Variants in FLVCR2 observed in about 807,000 individuals in gnomAD.
The protein encoded by FLVCR2 is FLVCR choline and putative heme transporter 2.
In FLVCR2, 38 loss-of-function variants were observed where a neutral mutation model predicts 48.9. The observed-to-expected ratio is 0.78, with a 90% confidence interval of 0.60 to 1.02. The LOEUF is 1.02. Among genes scored for constraint, FLVCR2 ranks in the 50% least tolerant of loss-of-function variants. The probability of loss-of-function intolerance (pLI) is 0.00; values close to 1 mark genes in which losing one functional copy is unlikely to be tolerated. For missense variants in FLVCR2, 664 were observed against 663.3 expected (o/e 1.00, Z -0.01); for synonymous variants, 255 against 257.0 (o/e 0.99, Z 0.07).
chr14:75,645,031 G>A (rs971730594), intron 9 of FLVCR2, among the ~76,000 whole-genome samples: 5 of 32,354 alleles, frequency 1.5e-4, no homozygotes, highest in African/African-American at 4.5e-4. Flanking sequence ...GGAGGCGGGC[G>A]TGGTGTGTGT....
At chr14:75,602,307 C>T (rs1293229292) in intron 1 of FLVCR2, among the ~76,000 whole-genome samples, 2 of 152,212 alleles carry the variant, frequency 1.3e-5, no homozygotes, top group Admixed American at 6.5e-5. Flanking sequence ...TTTCTGGTGA[C>T]CAGCCCCCTT....
intron 5 of FLVCR2, 114 bp downstream of exon 5, chr14:75,635,127 C>G: frequency 6.6e-6 from 5 of 753,074 alleles, no homozygotes; most frequent in Non-Finnish European, 1.2e-5. Context: ...CCAAGCAGGT[C>G]ATTCAAGTTT....
At chr14:75,608,941 T>G (rs1889367426) in intron 1 of FLVCR2, among the ~76,000 whole-genome samples, 1 of 152,162 alleles carries the variant, frequency 6.6e-6, no homozygotes. Context: ...CTACAACAAG[T>G]TCCTTGAATC....
At chr14:75,601,156 T>A (rs1029722289) in intron 1 of FLVCR2, among the ~76,000 whole-genome samples, 1 of 152,268 alleles carries the variant, frequency 6.6e-6, no homozygotes, top group Non-Finnish European at 1.5e-5. Flanking sequence ...AAGTATCCCA[T>A]ATGGGAAATG....
chr14:75,595,953 T>G, intron 1 of FLVCR2: 1 of 1,495,172 alleles, frequency 6.7e-7, no homozygotes, highest in Non-Finnish European at 9.3e-7. Flanking sequence ...TTTGGGTTCA[T>G]TTTTCTTTGC....
intron 1 of FLVCR2, among the ~76,000 whole-genome samples, chr14:75,592,602 C>T (rs1009947181): frequency 1.3e-5 from 2 of 152,212 alleles, no homozygotes; most frequent in African/African-American, 2.4e-5. Context: ...TAATGCTCTG[C>T]TTCTTACACA....
chr14:75,608,323 C>T (rs553554333), intron 1 of FLVCR2, among the ~76,000 whole-genome samples: 73 of 152,194 alleles, frequency 4.8e-4, no homozygotes, highest in Non-Finnish European at 9.7e-4. Context: ...TGATTTGATC[C>T]TCTTGAGCTG....
intron 1 of FLVCR2, chr14:75,596,073 G>A: frequency 8.2e-7 from 1 of 1,212,914 alleles, no homozygotes; most frequent in Non-Finnish European, 1.2e-6. Context: ...GTACATTTTG[G>A]CTAGTTTTTC....
At chr14:75,645,646 G>A (rs903906852) in intron 9 of FLVCR2, among the ~76,000 whole-genome samples, 9 of 152,144 alleles carry the variant, frequency 5.9e-5, no homozygotes, top group African/African-American at 2.2e-4. Flanking sequence ...AGCTGGGCGC[G>A]GTGGGTCACG....
intron 3 of FLVCR2, among the ~76,000 whole-genome samples, chr14:75,625,514 C>T (rs1889878687): frequency 6.6e-6 from 1 of 151,940 alleles, no homozygotes; most frequent in Admixed American, 6.5e-5. Flanking sequence ...AGATGAATGC[C>T]AGTCTATTAG....
chr14:75,641,062 T>TA lies in FLVCR2; in HGVS notation c.1341+3dup, dbSNP rs1566798027. The TA allele has an allele frequency of 6.2e-7, 1 of 1,608,192 alleles. No homozygotes were observed. The highest frequency in any genetic ancestry group is 2.2e-5 in the East Asian group (1 of 44,860). ...GGCCTCCTCAACATATCTGCACAGG[T>TA]AGAGCTCGTATTTCCTGTTTGTTTC... On this transcript the variant is annotated splice_region_variant and intron_variant, in intron 7 of 9. Coordinates refer to ENST00000238667, the MANE Select transcript of FLVCR2 (RefSeq NM_017791.3).
At chr14:75,638,849 A>AT (rs904471144) in intron 5 of FLVCR2, among the ~76,000 whole-genome samples, 4 of 152,114 alleles carry the variant, frequency 2.6e-5, no homozygotes, top group African/African-American at 9.7e-5. Context: ...TAATTAAATA[A>AT]TTTTTTTGTG....
chr14:75,643,808 C>T (rs538904721), intron 9 of FLVCR2, among the ~76,000 whole-genome samples: 10 of 152,226 alleles, frequency 6.6e-5, no homozygotes, highest in Admixed American at 5.2e-4. Flanking sequence ...TGGCCGGGCG[C>T]GATGGCTCAT....
At chr14:75,646,018 A>T (rs1047575994) in intron 9 of FLVCR2, among the ~76,000 whole-genome samples, 1 of 151,632 alleles carries the variant, frequency 6.6e-6, no homozygotes, top group Non-Finnish European at 1.5e-5. Context: ...CACCTTGGAC[A>T]GTGATTTGAT....
At chr14:75,644,971 A>C (rs1344388095) in intron 9 of FLVCR2, among the ~76,000 whole-genome samples, 2 of 151,608 alleles carry the variant, frequency 1.3e-5, no homozygotes, top group South Asian at 2.1e-4. Context: ...TTCTGTCTCC[A>C]CTAACTTGTT....
Position 75,579,230 on chromosome 14 carries a change from CGTGGTCCTG to C in FLVCR2, c.262_270del (p.Val88_Val90del). 6.2e-7 allele frequency: 1 copy of C among 1,614,228 alleles called. No individual in the cohort carries two copies. The highest frequency in any genetic ancestry group is 1.1e-5 in the South Asian group (1 of 91,084). On this transcript the variant is annotated inframe_deletion, in exon 1 of 10. Coordinates refer to ENST00000238667, the MANE Select transcript of FLVCR2 (RefSeq NM_017791.3). ...TCAAGGTGAGCAGGCGCCGTTGGGCCGTGGTCCTGGTGTTTAGCTGCTACTCCATGTGCA... is the reference window on the plus strand; with the variant it reads ...TCAAGGTGAGCAGGCGCCGTTGGGCCGTGTTTAGCTGCTACTCCATGTGCA...
At position 75,589,060 on chromosome 14, in the gene FLVCR2, A is replaced by T. The variant is rs575810639; in HGVS notation, c.669+9419A>T. ...CAGCCTGGACAACATTTTTTTTTTT[A>T]AAAAAAGAAGCTGTGCATGGTTGCA... On this transcript the variant is annotated intron_variant, in intron 1 of 9. Transcript: ENST00000238667. Among the ~76,000 whole-genome samples, 874 of 150,210 alleles carry T rather than the reference A, an allele frequency of 5.8e-3. 11 individuals carry two copies. The South Asian group carries it at 0.061, about 11-fold the overall frequency.
intron 3 of FLVCR2, chr14:75,631,937 C>T (rs1481097367): frequency 4.6e-6 from 2 of 435,884 alleles, no homozygotes; most frequent in Non-Finnish European, 9.2e-6. Flanking sequence ...GGGGACATGT[C>T]TGGGTTGGTT....
intron 6 of FLVCR2, 47 bp downstream of exon 6, chr14:75,639,509 C>A: frequency 1.5e-6 from 2 of 1,293,194 alleles, no homozygotes; most frequent in Non-Finnish European, 2.2e-6. Flanking sequence ...CATGCCATGG[C>A]TCCCAGAGCT....
Sources: allele counts gnomAD v4.1 joint callset (sites outside exome capture counted in the v4.1 genomes callset), GRCh38; gene constraint gnomAD v4.1.1; transcripts MANE v1.5; gene names NCBI Gene and HGNC (gene_info 2026-07-23, HGNC 2026-07-21).